The following KCNH5 variants were observed in gnomAD, a reference collection of about 807,000 sequenced individuals.
KCNH5 encodes the protein voltage-gated delayed rectifier potassium channel KCNH5.
A neutral mutation model predicts 96.1 loss-of-function variants in KCNH5; 46 were observed. The ratio of observed to expected loss-of-function variants is 0.48; its 90% CI spans 0.38 to 0.61. KCNH5 has a LOEUF of 0.61. KCNH5 is among the 20% of genes least tolerant of loss of function. KCNH5 has a pLI of 0.00. For missense variants in KCNH5, 907 were observed against 1,225.8 expected, an observed-to-expected ratio of 0.74 and a Z score of 3.88; for synonymous variants, 439 against 449.8, an observed-to-expected ratio of 0.98 and a Z score of 0.30.
intron 7 of KCNH5, among the ~76,000 whole-genome samples, chr14:62,865,984 T>C (rs1426457920): frequency 6.6e-6 from 1 of 152,170 alleles, no homozygotes; most frequent in East Asian, 1.9e-4. Flanking sequence ...TTGACAATCA[T>C]CATCGTCATC....
chr14:63,002,266 A>G (rs1272827687), intron 3 of KCNH5, among the ~76,000 whole-genome samples: 1 of 152,200 alleles, frequency 6.6e-6, no homozygotes, highest in Non-Finnish European at 1.5e-5. Flanking sequence ...GTATCAAAGT[A>G]TTCAAGGCTT....
chr14:63,032,568 T>C (rs1314062393), intron 1 of KCNH5, among the ~76,000 whole-genome samples: 1 of 152,236 alleles, frequency 6.6e-6, no homozygotes, highest in Non-Finnish European at 1.5e-5. Flanking sequence ...CAATGCTTAT[T>C]GTCAAATATT....
At chr14:62,816,075 T>A (rs983421529) in intron 8 of KCNH5, among the ~76,000 whole-genome samples, 1 of 151,952 alleles carries the variant, frequency 6.6e-6, no homozygotes, top group Non-Finnish European at 1.5e-5. Context: ...TATGTGTGTA[T>A]ATTCATGTGT....
intron 1 of KCNH5, among the ~76,000 whole-genome samples, chr14:63,030,673 T>C (rs1891608576): frequency 6.6e-6 from 1 of 152,158 alleles, no homozygotes; most frequent in Non-Finnish European, 1.5e-5. Flanking sequence ...TCAATACTTA[T>C]TGTTAAGTCT....
At chr14:62,993,684 C>A (rs556599878) in intron 4 of KCNH5, among the ~76,000 whole-genome samples, 2 of 152,142 alleles carry the variant, frequency 1.3e-5, no homozygotes, top group East Asian at 3.9e-4. Context: ...CTCCCACCAA[C>A]TTGTACTGTA....
Position 62,708,387 on chromosome 14 carries a change from C to A in KCNH5, c.2088G>T (p.Val696=). Residue 696 remains valine (V), a synonymous_variant, in exon 11 of 11, where the codon GTG becomes GTT. Coordinates refer to ENST00000322893, the MANE Select transcript of KCNH5 (RefSeq NM_139318.5). The stretch of plus-strand genomic sequence containing the variant: ...GGTGGTCCACGGGAATGCTGAGGGT[C>A]ACCTCATTCTTCTGCCGGAGGCGCT... The part of the protein sequence containing the change: ...EEERLRQKNE[V]TLSIPVDHPV... 1 of 1,613,216 alleles carries A rather than the reference C, an allele frequency of 6.2e-7. No homozygotes were observed. The highest frequency in any genetic ancestry group is 1.3e-5 in the African/African-American group (1 of 75,026).
intron 1 of KCNH5, among the ~76,000 whole-genome samples, chr14:63,025,750 G>A (rs578123617): frequency 6.6e-6 from 1 of 151,934 alleles, no homozygotes; most frequent in East Asian, 1.9e-4. Flanking sequence ...CTGTGTTCAT[G>A]GACTGGAAGA....
At chr14:62,944,265 C>T (rs918578831) in intron 7 of KCNH5, among the ~76,000 whole-genome samples, 1 of 151,994 alleles carries the variant, frequency 6.6e-6, no homozygotes, top group Non-Finnish European at 1.5e-5. Context: ...ATGACTTTCT[C>T]GAGAAAAAGA....
intron 10 of KCNH5, among the ~76,000 whole-genome samples, chr14:62,766,224 G>A (rs993093167): frequency 1.3e-5 from 2 of 152,142 alleles, no homozygotes; most frequent in African/African-American, 4.8e-5. Context: ...TGCACTGTGG[G>A]TGAGAATGTA....
intron 10 of KCNH5, among the ~76,000 whole-genome samples, chr14:62,761,765 C>T (rs1259747791): frequency 6.6e-6 from 1 of 151,926 alleles, no homozygotes; most frequent in African/African-American, 2.4e-5. Context: ...TAGGAAGAGC[C>T]AAAATGGTAG....
chr14:62,940,909 C>G (rs1244324609), intron 7 of KCNH5, among the ~76,000 whole-genome samples: 1 of 152,178 alleles, frequency 6.6e-6, no homozygotes, highest in Non-Finnish European at 1.5e-5. Flanking sequence ...AAGACAGATC[C>G]TCTTCTCACA....
At chr14:62,956,771 A>G (rs1356839003) in intron 6 of KCNH5, among the ~76,000 whole-genome samples, 1 of 152,142 alleles carries the variant, frequency 6.6e-6, no homozygotes, top group African/African-American at 2.4e-5. Flanking sequence ...CACTTATATG[A>G]TACTACTAGA....
chr14:62,996,092 C>T (rs566038702), intron 4 of KCNH5, among the ~76,000 whole-genome samples: 33 of 152,236 alleles, frequency 2.2e-4, no homozygotes, highest in African/African-American at 7.7e-4. Context: ...CCCATTATTT[C>T]CCAAAAGTTC....
At chr14:62,819,045 A>C (rs922567891) in intron 8 of KCNH5, among the ~76,000 whole-genome samples, 3 of 152,116 alleles carry the variant, frequency 2.0e-5, no homozygotes, top group African/African-American at 7.2e-5. Flanking sequence ...CAGCTCACTG[A>C]AAGCTCCGCC....
chr14:62,941,205 G>A lies in KCNH5; in HGVS notation c.1369+8928C>T, dbSNP rs149702614. Reference sequence around the variant, plus strand: ...CAAGAGATGAAGATCCTTGTAAAACGTTCAGGCTAGTTAATAGGCTATCAA... The same window carrying A: ...CAAGAGATGAAGATCCTTGTAAAACATTCAGGCTAGTTAATAGGCTATCAA... On this transcript the variant is annotated intron_variant, in intron 7 of 10. Coordinates refer to ENST00000322893, the MANE Select transcript of KCNH5 (RefSeq NM_139318.5). Among the ~76,000 whole-genome samples, 180 of 152,288 alleles carry A rather than the reference G, an allele frequency of 1.2e-3. 4 individuals carry two copies. Among genetic ancestry groups the A allele is most frequent in the Admixed American group, 8.2e-3 (126 of 15,290 alleles).
At chr14:62,749,779 G>A (rs1885457201) in intron 10 of KCNH5, among the ~76,000 whole-genome samples, 2 of 152,188 alleles carry the variant, frequency 1.3e-5, no homozygotes, top group South Asian at 4.1e-4. Context: ...GCACCGTTTA[G>A]CAAGAGTCCT....
At chr14:62,852,346 G>A (rs912503026) in intron 7 of KCNH5, among the ~76,000 whole-genome samples, 3 of 152,168 alleles carry the variant, frequency 2.0e-5, no homozygotes, top group Admixed American at 2.0e-4. Context: ...TCATGTGAAT[G>A]TAGGGTCCCT....
chr14:62,949,409 C>T (rs1338254178), intron 7 of KCNH5, among the ~76,000 whole-genome samples: 1 of 152,180 alleles, frequency 6.6e-6, no homozygotes, highest in Non-Finnish European at 1.5e-5. Flanking sequence ...TGAAGTCTCC[C>T]TCAAGATCTT....
chr14:62,860,777 G>T (rs1354445584), intron 7 of KCNH5, among the ~76,000 whole-genome samples: 1 of 152,182 alleles, frequency 6.6e-6, no homozygotes, highest in Non-Finnish European at 1.5e-5. Context: ...CTAATACAAA[G>T]GCTAACTTAG....
Sources: gnomAD v4.1 joint callset for allele counts (sites outside exome capture counted in the v4.1 genomes callset) on GRCh38, gnomAD v4.1.1 for gene constraint, MANE v1.5 for transcripts, NCBI Gene and HGNC (gene_info 2026-07-23, HGNC 2026-07-21) for gene names.